PRKN: variants seen among roughly 807,000 people sequenced by gnomAD.
PRKN encodes E3 ubiquitin-protein ligase parkin.
PRKN carries 56 observed loss-of-function variants against 59.5 expected under a neutral mutation model. The observed-to-expected ratio is 0.94, with a 90% confidence interval of 0.76 to 1.18. PRKN has a LOEUF of 1.18. Ranked by LOEUF, PRKN falls within the 50% of genes most tolerant of loss-of-function variation. PRKN has a pLI of 0.00. For missense variants in PRKN, 657 were observed against 596.4 expected (o/e 1.10, Z -1.06); for synonymous variants, 250 against 222.1 (o/e 1.13, Z -1.12).
chr6:161,987,379 G>C (rs1390337103), intron 5 of PRKN, among the ~76,000 whole-genome samples: 2 of 152,124 alleles, frequency 1.3e-5, no homozygotes, highest in African/African-American at 4.8e-5. Flanking sequence ...GATGGGCGTA[G>C]ACATGTGTGC....
intron 4 of PRKN, among the ~76,000 whole-genome samples, chr6:162,162,908 T>C (rs1782820314): frequency 6.7e-6 from 1 of 148,510 alleles, no homozygotes; most frequent in South Asian, 2.1e-4. Context: ...CTCGGGAGGC[T>C]GAGGCAGAAG....
At chr6:162,700,436 G>C (rs1016632494) in intron 1 of PRKN, among the ~76,000 whole-genome samples, 13 of 152,136 alleles carry the variant, frequency 8.5e-5, no homozygotes, top group African/African-American at 2.7e-4. Context: ...TACAGGTGAA[G>C]TAGCGAAGGC....
At chr6:161,979,738 T>C (rs1162764811) in intron 5 of PRKN, among the ~76,000 whole-genome samples, 1 of 152,128 alleles carries the variant, frequency 6.6e-6, no homozygotes, top group Admixed American at 6.5e-5. Context: ...CTCCTCACTG[T>C]CGAAGCCTGA....
At position 161,377,465 on chromosome 6, in the gene PRKN, T is replaced by A. The variant is rs912818996; in HGVS notation, c.1167+9329A>T. 3.5e-4 allele frequency among the ~76,000 whole-genome samples: 54 copies of A among 152,208 alleles called. No homozygotes were observed. Among genetic ancestry groups the A allele is most frequent in the Non-Finnish European group, 2.1e-4 (14 of 68,032 alleles). ...TGAGGGATCCAAGCTTGGTTCACAA[T>A]TGAGTTAGCTTAACATACGGCTGCA... is the stretch of plus-strand genomic sequence containing the variant. On this transcript the variant is annotated intron_variant, in intron 10 of 11. Transcript: ENST00000366898. The surrounding 1 kb of genome is among the most constrained non-coding windows in gnomAD (Gnocchi z 4.2).
At position 161,598,478 on chromosome 6, in the gene PRKN, C is replaced by T. The variant is rs12175713; in HGVS notation, c.872-29062G>A. On this transcript the variant is annotated intron_variant, in intron 7 of 11. Transcript: ENST00000366898. ...TACGGGCTTGGTCACATTAAGCATT[C>T]ATTCTGCATTTAAGCATTCTGAATC... Among the ~76,000 whole-genome samples the T allele has an allele frequency of 6.4e-3, 979 of 152,322 alleles. 27 individuals carry two copies. The East Asian group carries it at 0.078, about 12-fold the overall frequency.
At chr6:162,722,216 A>G (rs2128240872) in intron 1 of PRKN, among the ~76,000 whole-genome samples, 1 of 152,356 alleles carries the variant, frequency 6.6e-6, no homozygotes, top group East Asian at 1.9e-4. Context: ...TGACACTGAA[A>G]TAATAATCAT....
At chr6:161,657,140 CAAGGGCACTA>C (rs1784377059) in intron 7 of PRKN, among the ~76,000 whole-genome samples, 25 of 152,108 alleles carry the variant, frequency 1.6e-4, no homozygotes, top group Admixed American at 1.6e-3. Context: ...AATCATAAGC[CAAGGGCACTA>C]CTCTCTGTTC....
At chr6:162,010,090 A>C (rs1006880964) in intron 5 of PRKN, among the ~76,000 whole-genome samples, 1 of 150,618 alleles carries the variant, frequency 6.6e-6, no homozygotes, top group South Asian at 2.1e-4. Context: ...CATTTTAGAA[A>C]TGGGAACAAT....
At chr6:161,469,547 AAGAGAGAGAG>A (rs60364166) in intron 9 of PRKN, among the ~76,000 whole-genome samples, 3 of 117,824 alleles carry the variant, frequency 2.5e-5, no homozygotes, top group Admixed American at 1.6e-4. Flanking sequence ...GAACAAGAGA[AAGAGAGAGAG>A]AGAGAGAGAG....
chr6:162,114,400 G>T lies in PRKN; in HGVS notation c.535-60226C>A, dbSNP rs1356975495. On this transcript the variant is annotated intron_variant, in intron 4 of 11. Transcript: ENST00000366898. ...TCCTCTTTTATTTCCTTGAGCAGTG[G>T]TTTGTAGTTCTCCTCGAAGAGGTCC... 4.5e-4 allele frequency among the ~76,000 whole-genome samples: 68 copies of T among 151,704 alleles called. 3 individuals are homozygous for T. Among genetic ancestry groups the T allele is most frequent in the African/African-American group, 1.6e-3 (67 of 41,308 alleles).
intron 5 of PRKN, among the ~76,000 whole-genome samples, chr6:162,042,669 G>A (rs1319567858): frequency 6.6e-6 from 1 of 151,992 alleles, no homozygotes. Flanking sequence ...TTTAAATGCA[G>A]GCCTTATAAT....
chr6:161,871,627 G>A (rs1379119238), intron 6 of PRKN, among the ~76,000 whole-genome samples: 15 of 152,158 alleles, frequency 9.9e-5, no homozygotes, highest in Admixed American at 5.2e-4. Context: ...CCTCTTCCTT[G>A]CAGTTGGACA....
chr6:161,580,772 C>T (rs556456140), intron 7 of PRKN, among the ~76,000 whole-genome samples: 16 of 152,064 alleles, frequency 1.1e-4, no homozygotes, highest in Admixed American at 2.0e-4. Context: ...GCCACCGCAC[C>T]CAGCCCAAAA....
chr6:161,988,377 A>G (rs1781514491), intron 5 of PRKN, among the ~76,000 whole-genome samples: 1 of 152,026 alleles, frequency 6.6e-6, no homozygotes, highest in Non-Finnish European at 1.5e-5. Context: ...AATCACAGCC[A>G]CTAAGGAGGC....
At chr6:162,163,812 A>T (rs1377409610) in intron 4 of PRKN, among the ~76,000 whole-genome samples, 1 of 115,056 alleles carries the variant, frequency 8.7e-6, no homozygotes, top group African/African-American at 3.8e-5. Context: ...CACATCTCTC[A>T]TGGTGCCCAG....
chr6:162,516,454 A>T (rs188553252), intron 1 of PRKN, among the ~76,000 whole-genome samples: 5 of 152,162 alleles, frequency 3.3e-5, no homozygotes, highest in Admixed American at 3.3e-4. Context: ...ATATTATATT[A>T]TTTGAAAACA....
intron 2 of PRKN, among the ~76,000 whole-genome samples, chr6:162,339,171 C>A (rs1286358762): frequency 1.3e-5 from 2 of 150,200 alleles, no homozygotes. Flanking sequence ...AGCCTCTCCG[C>A]CCGGCAGCCA....
At chr6:162,001,899 T>C (rs1782074345) in intron 5 of PRKN, among the ~76,000 whole-genome samples, 1 of 150,242 alleles carries the variant, frequency 6.7e-6, no homozygotes, top group Admixed American at 6.7e-5. Context: ...TTTTGTCGAA[T>C]GCTTTTTCTG....
At position 162,393,152 on chromosome 6, in the gene PRKN, A is replaced by G. The variant is rs1417603364; in HGVS notation, c.171+50158T>C. On this transcript the variant is annotated intron_variant, in intron 2 of 11. Transcript: ENST00000366898. ...AGTTGATACTGGGTGAGGATAGGAG[A>G]TTCTTTTTTTTTTTTTTTTTTTTTT... Among the ~76,000 whole-genome samples, 4 of 78,104 alleles carry G rather than the reference A, an allele frequency of 5.1e-5. No individual in the cohort carries two copies. In the East Asian group the frequency reaches 2.4e-3, roughly 46 times the overall value. 51.2% of individuals were successfully genotyped at this position (78,104 alleles called of 152,430 possible).
Sources: gnomAD v4.1 joint callset for allele counts (sites outside exome capture counted in the v4.1 genomes callset) on GRCh38, gnomAD v4.1.1 for gene constraint, Gnocchi (gnomAD v3.1) non-coding constraint, MANE v1.5 for transcripts, NCBI Gene and HGNC (gene_info 2026-07-23, HGNC 2026-07-21) for gene names.